AFG1L: variants seen among roughly 807,000 people sequenced by gnomAD.
AFG1L encodes AFG1 like ATPase, also known as AFG1-like ATPase.
In AFG1L, 53 loss-of-function variants were observed where a neutral mutation model predicts 62.2. The ratio of observed to expected loss-of-function variants is 0.85; its 90% CI spans 0.68 to 1.07. The LOEUF (loss-of-function observed/expected upper bound fraction) is 1.07. Ranked by LOEUF, AFG1L falls within the 50% of genes least tolerant of loss-of-function variation. The pLI, the probability that AFG1L is intolerant of heterozygous loss-of-function variation, is 0.00. For synonymous variants in AFG1L, 228 were observed against 210.3 expected (o/e 1.08, Z -0.73); for missense variants, 555 against 590.5 (o/e 0.94, Z 0.62).
chr6:108,367,613 C>T (rs1342663214), intron 6 of AFG1L, among the ~76,000 whole-genome samples: 1 of 152,076 alleles, frequency 6.6e-6, no homozygotes, highest in Non-Finnish European at 1.5e-5. Context: ...GGGAAGACTA[C>T]AGAAAAAGCA....
intron 7 of AFG1L, among the ~76,000 whole-genome samples, chr6:108,442,867 A>C (rs1033303456): frequency 2.6e-5 from 4 of 151,986 alleles, no homozygotes; most frequent in Non-Finnish European, 4.4e-5. Flanking sequence ...ATTGTTGGTC[A>C]CCTATTTTAC....
In AFG1L at chr6:108,355,655, T is replaced by C; in HGVS notation, c.417T>C (p.Gly139=). ...PRGLYVYGDV[G]TGKTMVMDMF... ...CTTAAAATTTTTTTTATTTTTAAGG[T>C]ACAGGAAAAACAATGGTGATGGACA... Residue 139 remains glycine (G), a splice_region_variant and synonymous_variant, in exon 4 of 13, where the codon GGT becomes GGC. Coordinates refer to ENST00000368977, the MANE Select transcript of AFG1L (RefSeq NM_145315.5). The C allele has an allele frequency of 6.3e-7, 1 of 1,582,032 alleles. No individual in the cohort carries two copies. The highest frequency in any genetic ancestry group is 8.6e-7 in the Non-Finnish European group (1 of 1,162,936).
At chr6:108,299,635 C>T (rs1776903407) in intron 1 of AFG1L, among the ~76,000 whole-genome samples, 1 of 151,954 alleles carries the variant, frequency 6.6e-6, no homozygotes, top group African/African-American at 2.4e-5. Flanking sequence ...AAGAATGAGC[C>T]TGGGAATATA....
At position 108,510,328 on chromosome 6, in the gene AFG1L, C is replaced by T. The variant is rs766787963; in HGVS notation, c.1179C>T (p.Leu393=). Reference sequence around the variant, plus strand: ...CTCAAGGTCGAAGATTCATAACTCTCATCGATAACTTTTATGATCTCAAGG... The same window carrying T: ...CTCAAGGTCGAAGATTCATAACTCTTATCGATAACTTTTATGATCTCAAGG... ...NRTQGRRFIT[L]IDNFYDLKVR... The change falls in exon 11 of 13, where the codon CTC becomes CTT. Residue 393 remains leucine (L), a synonymous_variant. Transcript: ENST00000368977. The T allele has an allele frequency of 6.2e-7, 1 of 1,610,530 alleles. No homozygotes were observed. The highest frequency in any genetic ancestry group is 1.3e-5 in the African/African-American group (1 of 74,760).
intron 7 of AFG1L, among the ~76,000 whole-genome samples, chr6:108,422,135 T>G (rs888042140): frequency 2.6e-5 from 4 of 151,912 alleles, no homozygotes; most frequent in African/African-American, 9.7e-5. Context: ...AGTTTTTAAG[T>G]GGAAATCAGT....
intron 8 of AFG1L, among the ~76,000 whole-genome samples, chr6:108,473,085 C>G (rs970460488): frequency 6.6e-6 from 1 of 152,020 alleles, no homozygotes; most frequent in African/African-American, 2.4e-5. Context: ...TCTAGGCATG[C>G]GTCCCACGCC....
chr6:108,470,997 G>C (rs2114800329), intron 8 of AFG1L, among the ~76,000 whole-genome samples: 1 of 152,226 alleles, frequency 6.6e-6, no homozygotes, highest in East Asian at 1.9e-4. Context: ...CTCTTCATTT[G>C]GCTGTGTATT....
chr6:108,371,914 G>A (rs1355550051), intron 6 of AFG1L, among the ~76,000 whole-genome samples: 2 of 151,396 alleles, frequency 1.3e-5, no homozygotes, highest in Non-Finnish European at 2.9e-5. Flanking sequence ...GTACCACTGT[G>A]CCCAACTAAT....
At chr6:108,510,001 C>G (rs1480512904) in intron 10 of AFG1L, among the ~76,000 whole-genome samples, 1 of 152,122 alleles carries the variant, frequency 6.6e-6, no homozygotes, top group Admixed American at 6.5e-5. Flanking sequence ...GATGTGATTT[C>G]TATCAGAATA....
At chr6:108,461,813 G>A (rs1772471086) in intron 8 of AFG1L, among the ~76,000 whole-genome samples, 1 of 152,168 alleles carries the variant, frequency 6.6e-6, no homozygotes, top group Non-Finnish European at 1.5e-5. Flanking sequence ...ACAAAAGGCT[G>A]GCAGTGCACG....
At chr6:108,512,831 G>C (rs1774708657) in intron 11 of AFG1L, among the ~76,000 whole-genome samples, 1 of 152,094 alleles carries the variant, frequency 6.6e-6, no homozygotes, top group South Asian at 2.1e-4. Context: ...TTAAAGTGTA[G>C]TCAAAACCAT....
intron 11 of AFG1L, among the ~76,000 whole-genome samples, chr6:108,515,958 T>C (rs1274766071): frequency 6.6e-6 from 1 of 152,168 alleles, no homozygotes. Context: ...CAGGAAGAAG[T>C]TGAATCTCTG....
At chr6:108,312,642 A>G (rs1049659913) in intron 1 of AFG1L, among the ~76,000 whole-genome samples, 1 of 152,242 alleles carries the variant, frequency 6.6e-6, no homozygotes, top group Admixed American at 6.5e-5. Flanking sequence ...AAGAACACAT[A>G]GGCCCCATAT....
intron 11 of AFG1L, among the ~76,000 whole-genome samples, chr6:108,517,888 A>C (rs1246953821): frequency 1.3e-5 from 2 of 152,220 alleles, no homozygotes; most frequent in Non-Finnish European, 2.9e-5. Flanking sequence ...ATTCAGCCAA[A>C]AGACACATGG....
intron 10 of AFG1L, among the ~76,000 whole-genome samples, chr6:108,496,209 T>C (rs770234984): frequency 2.6e-5 from 4 of 152,230 alleles, no homozygotes; most frequent in Admixed American, 1.3e-4. Context: ...ACTGTGCATG[T>C]AATTTAGTTG....
At chr6:108,457,082 C>T (rs186392035) in intron 8 of AFG1L, among the ~76,000 whole-genome samples, 115 of 152,220 alleles carry the variant, frequency 7.6e-4, no homozygotes, top group African/African-American at 2.6e-3. Flanking sequence ...ACTGTATATA[C>T]GATGCATATT....
chr6:108,494,857 G>A (rs1255780819), intron 10 of AFG1L, among the ~76,000 whole-genome samples: 3 of 148,914 alleles, frequency 2.0e-5, no homozygotes, highest in Admixed American at 1.4e-4. Context: ...TGCAACCTAC[G>A]CCTCCCAGGT....
At chr6:108,398,587 A>T (rs1781417209) in intron 6 of AFG1L, among the ~76,000 whole-genome samples, 1 of 152,156 alleles carries the variant, frequency 6.6e-6, no homozygotes, top group Admixed American at 6.5e-5. Flanking sequence ...TCATAATTTG[A>T]AGTCTTAAAT....
At chr6:108,327,300 C>T (rs1416385348) in intron 2 of AFG1L, among the ~76,000 whole-genome samples, 1 of 152,186 alleles carries the variant, frequency 6.6e-6, no homozygotes, top group Non-Finnish European at 1.5e-5. Flanking sequence ...TGAAAGGCAT[C>T]TCCATGACAC....
Sources: gnomAD v4.1 joint callset for allele counts (sites outside exome capture counted in the v4.1 genomes callset) on GRCh38, gnomAD v4.1.1 for gene constraint, MANE v1.5 for transcripts, NCBI Gene and HGNC (gene_info 2026-07-23, HGNC 2026-07-21) for gene names.